CHRM3: variants seen among roughly 807,000 people sequenced by gnomAD.
CHRM3 encodes muscarinic acetylcholine receptor M3.
A neutral mutation model predicts 41.8 loss-of-function variants in CHRM3; 11 were observed. The observed-to-expected ratio is 0.26, with a 90% CI of 0.17 to 0.44. CHRM3 has a LOEUF of 0.44. Among genes scored for constraint, CHRM3 ranks in the 20% least tolerant of loss-of-function variants. The pLI, the probability that CHRM3 is intolerant of heterozygous loss-of-function variation, is 1.00. For missense variants in CHRM3, 571 were observed against 745.4 expected (o/e 0.77, Z 2.72); for synonymous variants, 297 against 301.4 (o/e 0.99, Z 0.15).
intron 6 of CHRM3, among the ~76,000 whole-genome samples, chr1:239,859,831 A>ATTTATATT (rs1377645989): frequency 2.3e-5 from 1 of 42,782 alleles, no homozygotes; most frequent in African/African-American, 4.3e-5. Context: ...ATATATATAT[A>ATTTATATT]TATATATATA....
At chr1:239,766,672 T>TATAGATATAG (rs1367483454) in intron 5 of CHRM3, among the ~76,000 whole-genome samples, 73 of 145,632 alleles carry the variant, frequency 5.0e-4, no homozygotes, top group East Asian at 3.1e-3. Context: ...TGGATATAGA[T>TATAGATATAG]ATATAGATAT....
At chr1:239,485,688 A>C (rs1176891443) in intron 1 of CHRM3, among the ~76,000 whole-genome samples, 1 of 152,108 alleles carries the variant, frequency 6.6e-6, no homozygotes, top group Non-Finnish European at 1.5e-5. Flanking sequence ...TTCCTCACTT[A>C]GATTTTTGCC....
chr1:239,865,318 C>T (rs894990529), intron 6 of CHRM3, among the ~76,000 whole-genome samples: 2 of 152,190 alleles, frequency 1.3e-5, no homozygotes, highest in Admixed American at 6.5e-5. Flanking sequence ...TAAAAGGAAT[C>T]TTAAGACATT....
intron 4 of CHRM3, among the ~76,000 whole-genome samples, chr1:239,661,544 A>G (rs996850016): frequency 2.6e-5 from 4 of 152,318 alleles, no homozygotes; most frequent in African/African-American, 9.6e-5. Flanking sequence ...ATTACTAAGT[A>G]AAAGGAGCCA....
chr1:239,524,836 T>G (rs1669889833), intron 2 of CHRM3, among the ~76,000 whole-genome samples: 1 of 152,188 alleles, frequency 6.6e-6, no homozygotes, highest in Non-Finnish European at 1.5e-5. Flanking sequence ...CTTTGAATTT[T>G]TCTTAAATCT....
At chr1:239,891,742 C>T (rs1195142392) in intron 6 of CHRM3, among the ~76,000 whole-genome samples, 2 of 152,102 alleles carry the variant, frequency 1.3e-5, no homozygotes, top group Admixed American at 6.5e-5. Context: ...GCAGAGGACA[C>T]GAAAACCCTC....
Position 239,909,524 on chromosome 1 carries a change from T to C in CHRM3, c.*300T>C, listed in dbSNP as rs1572664377. ...AAAATATTGCTTGACGGCAATTATA[T>C]ACCCAAAGTGATTTGCCTGGGTCCT... On this transcript the variant is annotated 3_prime_UTR_variant, in exon 7 of 7. Transcript: ENST00000676153. The C allele has an allele frequency of 3.5e-6, 1 of 284,878 alleles. No homozygotes were observed. Among genetic ancestry groups the C allele is most frequent in the Non-Finnish European group, 7.0e-6 (1 of 143,482 alleles). The allele number at this position is 284,878 out of a possible 1,614,324, so 17.6% of individuals were successfully genotyped here. A position where few individuals can be genotyped will look rare whatever the true frequency, so the allele number is the denominator to read the frequency against.
At chr1:239,549,802 T>G (rs1228533190) in intron 3 of CHRM3, among the ~76,000 whole-genome samples, 1 of 151,824 alleles carries the variant, frequency 6.6e-6, no homozygotes, top group Non-Finnish European at 1.5e-5. Flanking sequence ...AGATCATGGA[T>G]CAGACATGGG....
At chr1:239,700,989 ATATTCCAC>A (rs1214803063) in intron 5 of CHRM3, among the ~76,000 whole-genome samples, 4 of 152,144 alleles carry the variant, frequency 2.6e-5, no homozygotes, top group East Asian at 3.9e-4. Context: ...TATCCTAACT[ATATTCCAC>A]TAATGATTAA....
intron 1 of CHRM3, among the ~76,000 whole-genome samples, chr1:239,486,297 G>A (rs1232305880): frequency 6.6e-6 from 1 of 152,178 alleles, no homozygotes; most frequent in African/African-American, 2.4e-5. Flanking sequence ...GCTGTGGTCT[G>A]TGCTTTGCTT....
intron 4 of CHRM3, among the ~76,000 whole-genome samples, chr1:239,650,376 G>A (rs1342239012): frequency 6.6e-6 from 1 of 152,168 alleles, no homozygotes. Flanking sequence ...TGGAGACAGT[G>A]ATACACTTTG....
intron 4 of CHRM3, among the ~76,000 whole-genome samples, chr1:239,632,708 A>G (rs1245580921): frequency 6.6e-6 from 1 of 152,206 alleles, no homozygotes; most frequent in Admixed American, 6.5e-5. Flanking sequence ...ATGATTGTGA[A>G]CATAAACAGA....
intron 5 of CHRM3, among the ~76,000 whole-genome samples, chr1:239,788,084 T>A (rs1338530485): frequency 2.0e-5 from 3 of 151,950 alleles, no homozygotes; most frequent in Admixed American, 1.3e-4. Flanking sequence ...AATTTTTTTT[T>A]AATTATTTGG....
At chr1:239,857,374 C>T (rs1004386020) in intron 6 of CHRM3, among the ~76,000 whole-genome samples, 4 of 152,006 alleles carry the variant, frequency 2.6e-5, no homozygotes, top group African/African-American at 4.8e-5. Context: ...GGAGCCTTTC[C>T]CAAGTTAGTT....
intron 5 of CHRM3, among the ~76,000 whole-genome samples, chr1:239,738,428 C>T (rs942787754): frequency 2.6e-5 from 4 of 152,108 alleles, no homozygotes; most frequent in African/African-American, 9.7e-5. Flanking sequence ...TCAGGTGGTT[C>T]CAGCCAGCCA....
intron 4 of CHRM3, among the ~76,000 whole-genome samples, chr1:239,659,134 A>G (rs964837933): frequency 3.3e-5 from 5 of 152,084 alleles, no homozygotes; most frequent in Non-Finnish European, 7.4e-5. Context: ...CTCAAGGTTA[A>G]CAGGTATGAG....
chr1:239,527,913 T>A (rs1218669), intron 2 of CHRM3, among the ~76,000 whole-genome samples: 80,094 of 150,710 alleles, frequency 0.53, 21,382 homozygotes, highest in Middle Eastern at 0.67. Context: ...CAACTTTTGA[T>A]TTTTTTTTTC....
rs2148657829 is a variant in CHRM3, at chr1:239,594,885, T to A, written c.-312-37339T>A. Among the ~76,000 whole-genome samples, 2 of 151,564 alleles carry A rather than the reference T, an allele frequency of 1.3e-5. 1 individual carries two copies. Among genetic ancestry groups the A allele is most frequent in the East Asian group, 3.9e-4 (2 of 5,148 alleles). On this transcript the variant is annotated intron_variant, in intron 3 of 6. Coordinates refer to ENST00000676153, the MANE Select transcript of CHRM3 (RefSeq NM_001375978.1). ...CGGGAGGATCACCTGAGGTCAGGAG[T>A]TTGAGACCAGCCTGACCAACATGGA... is the stretch of plus-strand genomic sequence containing the variant.
At chr1:239,684,762 GAAAGAA>G (rs1444876350) in intron 5 of CHRM3, among the ~76,000 whole-genome samples, 5 of 126,654 alleles carry the variant, frequency 3.9e-5, no homozygotes, top group Admixed American at 1.7e-4. Context: ...AAGAAAGAAA[GAAAGAA>G]AGAGAAAGAG....
Sources: gnomAD v4.1 joint callset for allele counts (sites outside exome capture counted in the v4.1 genomes callset) on GRCh38, gnomAD v4.1.1 for gene constraint, MANE v1.5 for transcripts, NCBI Gene and HGNC (gene_info 2026-07-23, HGNC 2026-07-21) for gene names.